The following LRRC37A2 variants were observed in gnomAD, a reference collection of about 807,000 sequenced individuals.
LRRC37A2 encodes leucine rich repeat containing 37 member A2.
Under a neutral mutation model 68.8 loss-of-function variants are expected in LRRC37A2, and 9 were observed. The ratio of observed to expected loss-of-function variants is 0.13; its 90% confidence interval spans 0.08 to 0.23. The LOEUF (loss-of-function observed/expected upper bound fraction) is 0.23, where lower values mean the gene tolerates loss of function less well. Ranked by LOEUF, LRRC37A2 falls within the 10% of genes least tolerant of loss-of-function variation. The pLI, the probability that LRRC37A2 is intolerant of heterozygous loss-of-function variation, is 1.00. For missense variants in LRRC37A2, 168 were observed against 950.4 expected, an observed-to-expected ratio of 0.18 and a Z score of 10.82; for synonymous variants, 63 against 367.6, an observed-to-expected ratio of 0.17 and a Z score of 9.48.
the LRRC37A2 span, among the ~76,000 whole-genome samples, chr17:46,722,456 C>T: frequency 8.0e-4 from 122 of 152,320 alleles, no homozygotes; most frequent in Admixed American, 1.4e-3. Context: ...ACTTTTCTCG[C>T]ATCTTTCTTT....
At chr17:46,966,958 C>T in the LRRC37A2 span, 1 of 358,836 alleles carries the variant, frequency 2.8e-6, no homozygotes, top group African/African-American at 2.1e-5. Context: ...CACCTTCTTC[C>T]TTGTGTTTTG....
At chr17:46,961,720 T>G in the LRRC37A2 span, among the ~76,000 whole-genome samples, 1 of 152,088 alleles carries the variant, frequency 6.6e-6, no homozygotes, top group Non-Finnish European at 1.5e-5. Flanking sequence ...CATAGAAAAT[T>G]TGCAAGCAAT....
the LRRC37A2 span, among the ~76,000 whole-genome samples, chr17:46,818,317 T>C: frequency 7.0e-6 from 1 of 142,620 alleles, no homozygotes; most frequent in African/African-American, 2.6e-5. Context: ...GCAGGGAAAA[T>C]GGTGATTATC....
the LRRC37A2 span, among the ~76,000 whole-genome samples, chr17:46,771,266 G>A: frequency 6.6e-5 from 10 of 152,142 alleles, no homozygotes; most frequent in African/African-American, 2.4e-4. Context: ...ACGGCGGCAA[G>A]GGGGCCCGAC....
At chr17:46,704,928 A>G in the LRRC37A2 span, 1 of 1,475,536 alleles carries the variant, frequency 6.8e-7, no homozygotes, top group Non-Finnish European at 9.2e-7. Context: ...AGTAAGTGCC[A>G]TTTACTCAGT....
the LRRC37A2 span, chr17:46,833,286 C>A: frequency 2.1e-6 from 1 of 480,258 alleles, no homozygotes; most frequent in Non-Finnish European, 4.2e-6. Flanking sequence ...GCTCCTTCCA[C>A]AAGTTCTAAC....
intron 6 of LRRC37A2, among the ~76,000 whole-genome samples, chr17:46,534,767 G>A (rs2054348021): frequency 6.7e-6 from 1 of 149,818 alleles, no homozygotes; most frequent in Non-Finnish European, 1.5e-5. Context: ...TCCCAGAAGG[G>A]GCAGCCGGGC....
At chr17:46,963,688 T>C in the LRRC37A2 span, 2 of 152,238 alleles carry the variant, frequency 1.3e-5, no homozygotes, top group Non-Finnish European at 2.9e-5. Context: ...TGCCTGTCTT[T>C]TCTTCCAGAC....
the LRRC37A2 span, chr17:46,876,295 C>T: frequency 2.5e-6 from 4 of 1,614,104 alleles, no homozygotes; most frequent in Admixed American, 3.3e-5. Context: ...GCGTATCAGG[C>T]TCCTGTGCCG....
chr17:46,386,144 G>T, the LRRC37A2 span, among the ~76,000 whole-genome samples: 3 of 123,586 alleles, frequency 2.4e-5, no homozygotes, highest in African/African-American at 8.3e-5. Flanking sequence ...CGTCACACAG[G>T]CCGGAGTGCA....
chr17:46,875,001 C>T, the LRRC37A2 span: 2 of 1,586,054 alleles, frequency 1.3e-6, no homozygotes, highest in East Asian at 4.5e-5. Flanking sequence ...GCTGCCACCA[C>T]CGCCTCTGGC....
chr17:46,731,483 G>A, the LRRC37A2 span, among the ~76,000 whole-genome samples: 2 of 152,144 alleles, frequency 1.3e-5, no homozygotes, highest in African/African-American at 2.4e-5. Flanking sequence ...TGGGTAAACT[G>A]TGTGCTCTGT....
At chr17:46,779,117 G>A in the LRRC37A2 span, among the ~76,000 whole-genome samples, 33 of 73,718 alleles carry the variant, frequency 4.5e-4, 6 homozygotes, top group Admixed American at 4.7e-3. Flanking sequence ...CAGCCCACTC[G>A]GCCTTCCAAA....
rs1307231701 is a variant in LRRC37A2 at position 46,550,711 on chromosome 17, C to T, written c.4809+192C>T. 4.3e-5 allele frequency among the ~76,000 whole-genome samples: 6 copies of T among 138,650 alleles called. 2 individuals are homozygous for T. The highest frequency in any genetic ancestry group is 1.5e-4 in the African/African-American group (5 of 33,792). 91.0% of individuals were successfully genotyped at this position (138,650 alleles called of 152,430 possible). A position where few individuals can be genotyped will look rare whatever the true frequency, so the allele number is the denominator to read the frequency against. On this transcript the variant is annotated intron_variant, in intron 11 of 14. Coordinates refer to ENST00000576629, the Ensembl canonical transcript of LRRC37A2. Reference sequence around the variant, plus strand: ...TATTTCAGGATTTTTAAAGGATCCTCGCTTTCAGATCTCTGTGAATTGAAA... The same window carrying T: ...TATTTCAGGATTTTTAAAGGATCCTTGCTTTCAGATCTCTGTGAATTGAAA...
At chr17:46,910,535 G>A in the LRRC37A2 span, among the ~76,000 whole-genome samples, 1 of 152,222 alleles carries the variant, frequency 6.6e-6, no homozygotes, top group African/African-American at 2.4e-5. Context: ...CTAGCTTGGA[G>A]TAGTTGAGCA....
the LRRC37A2 span, among the ~76,000 whole-genome samples, chr17:46,760,477 A>T: frequency 6.6e-6 from 1 of 150,954 alleles, no homozygotes; most frequent in East Asian, 1.9e-4. Flanking sequence ...AAAAAAAAAA[A>T]TTAAAAAATT....
At chr17:46,529,545 T>C (rs2053352011) in intron 6 of LRRC37A2, among the ~76,000 whole-genome samples, 1 of 94,712 alleles carries the variant, frequency 1.1e-5, no homozygotes, top group Non-Finnish European at 2.5e-5. Context: ...CGCTGGCTCA[T>C]GCCTGTAATC....
the LRRC37A2 span, among the ~76,000 whole-genome samples, chr17:46,724,284 C>T: frequency 1.1e-4 from 16 of 152,238 alleles, 1 homozygote; most frequent in Middle Eastern, 0.014. Flanking sequence ...AAAGGACAAC[C>T]CGAAAATCTC....
the LRRC37A2 span, chr17:46,872,685 G>A: frequency 3.5e-5 from 56 of 1,613,576 alleles, no homozygotes; most frequent in Non-Finnish European, 4.0e-5. Flanking sequence ...GGGATGCTGC[G>A]CACCTCGGCC....
Sources: allele counts gnomAD v4.1 joint callset (sites outside exome capture counted in the v4.1 genomes callset), GRCh38; gene constraint gnomAD v4.1.1; transcripts MANE v1.5; gene names NCBI Gene and HGNC (gene_info 2026-07-23, HGNC 2026-07-21).